Variants in SLF2 observed in about 807,000 individuals in gnomAD.
The protein encoded by SLF2 is SMC5-SMC6 complex localization factor protein 2.
Under a neutral mutation model 124.3 loss-of-function variants are expected in SLF2, and 68 were observed. That is an observed-to-expected ratio of 0.55 (90% CI 0.45 to 0.67). The LOEUF is 0.67. SLF2 is among the 30% of genes least tolerant of loss of function. The probability of loss-of-function intolerance (pLI) is 0.00; values close to 1 mark genes in which losing one functional copy is unlikely to be tolerated. For missense variants in SLF2, 1,246 were observed against 1,373.7 expected, an observed-to-expected ratio of 0.91 and a Z score of 1.47; for synonymous variants, 480 against 478.8, an observed-to-expected ratio of 1.00 and a Z score of -0.03.
chr10:100,961,114 A>C (rs899227650), intron 19 of SLF2, among the ~76,000 whole-genome samples: 1 of 135,876 alleles, frequency 7.4e-6, no homozygotes, highest in Admixed American at 8.7e-5. Context: ...GGTTCACGCC[A>C]TTCTCCTGCC....
At chr10:100,931,148 AT>A in intron 9 of SLF2, 70 bp downstream of exon 9, 2 of 1,247,128 alleles carry the variant, frequency 1.6e-6, no homozygotes, top group Non-Finnish European at 2.3e-6. Flanking sequence ...TTTAAACATA[AT>A]TTTATTTGCA....
At chr10:100,928,183 T>C (rs1360089378) in intron 6 of SLF2, among the ~76,000 whole-genome samples, 1 of 151,724 alleles carries the variant, frequency 6.6e-6, no homozygotes, top group Non-Finnish European at 1.5e-5. Context: ...AGGGGAAAAA[T>C]ATATTCCTTG....
rs1394186290 is a variant in SLF2 at position 100,916,126 on chromosome 10, C to T, written c.184+84C>T. ...ATTCAACTTTAAAACCTACTCTAAA[C>T]TGTTTTAGTAAACGTAGTGTTCAAA... On this transcript the variant is annotated intron_variant, in intron 2 of 19. Transcript: ENST00000238961. 4 of 1,026,080 alleles carry T rather than the reference C, an allele frequency of 3.9e-6. No homozygotes were observed. In the Admixed American group the frequency reaches 8.5e-5, roughly 22 times the overall value. 63.6% of individuals were successfully genotyped at this position (1,026,080 alleles called of 1,614,324 possible).
intron 19 of SLF2, among the ~76,000 whole-genome samples, chr10:100,960,049 G>A (rs1850400951): frequency 6.6e-6 from 1 of 152,116 alleles, no homozygotes; most frequent in African/African-American, 2.4e-5. Flanking sequence ...GATATACTAT[G>A]TAATCTTTTG....
chr10:100,925,228 C>T (rs943014244), intron 5 of SLF2, among the ~76,000 whole-genome samples: 7 of 152,052 alleles, frequency 4.6e-5, no homozygotes, highest in Non-Finnish European at 1.0e-4. Context: ...TATATGTATA[C>T]CTTTAGATTA....
chr10:100,940,385 G>C (rs1849945363), intron 11 of SLF2, among the ~76,000 whole-genome samples: 1 of 151,932 alleles, frequency 6.6e-6, no homozygotes, highest in Non-Finnish European at 1.5e-5. Flanking sequence ...TTTGAGACAG[G>C]GTCTTGCTTT....
Position 100,961,940 on chromosome 10 carries a change from C to A in SLF2, c.*28C>A. The A allele has an allele frequency of 1.3e-6, 2 of 1,591,704 alleles. No individual in the cohort carries two copies. The highest frequency in any genetic ancestry group is 1.7e-6 in the Non-Finnish European group (2 of 1,164,082). On this transcript the variant is annotated 3_prime_UTR_variant, in exon 20 of 20. Coordinates refer to ENST00000238961, the MANE Select transcript of SLF2 (RefSeq NM_018121.4). ...GGAGTTGCAGCAGCAAAAATATGAA[C>A]CAAGAGAAATTCAATAAGAGCCTTT...
At chr10:100,914,349 A>G (rs1055681879) in intron 1 of SLF2, among the ~76,000 whole-genome samples, 11 of 151,794 alleles carry the variant, frequency 7.2e-5, no homozygotes, top group Admixed American at 6.6e-4. Flanking sequence ...AGCAGTGGAC[A>G]TTTTGTGTGC....
intron 5 of SLF2, among the ~76,000 whole-genome samples, chr10:100,925,675 G>A (rs1458981155): frequency 6.6e-6 from 1 of 152,138 alleles, no homozygotes; most frequent in African/African-American, 2.4e-5. Context: ...TAAAGACAGG[G>A]TAGCCACAGA....
chr10:100,955,346 T>C (rs567121855), intron 17 of SLF2, among the ~76,000 whole-genome samples: 29 of 152,314 alleles, frequency 1.9e-4, no homozygotes, highest in African/African-American at 6.7e-4. Flanking sequence ...TCATGTCATA[T>C]TGAAAACATT....
Position 100,959,470 on chromosome 10 carries a change from A to G in SLF2, c.3460A>G (p.Ile1154Val), listed in dbSNP as rs200624236. ...VARIHGKWQE[I>V]IQNCRPTQGQ... is the part of the protein sequence containing the mutation. ...CAGGATACATGGAAAATGGCAGGAA[A>G]TAATCCAGAACTGTCGGCCTACTCA... The change falls in exon 19 of 20, where the codon ATA becomes GTA. Residue 1154 changes from isoleucine to valine, a missense_variant. Around this residue, in one of 3 missense-constraint regions of SLF2, gnomAD observed 535 missense variants for 632.8 expected, o/e 0.85. Transcript: ENST00000238961. 6.2e-7 allele frequency: 1 copy of G among 1,610,804 alleles called. No individual in the cohort carries two copies. The highest frequency in any genetic ancestry group is 8.5e-7 in the Non-Finnish European group (1 of 1,179,274).
intron 6 of SLF2, among the ~76,000 whole-genome samples, chr10:100,928,848 T>C (rs1849669548): frequency 6.6e-6 from 1 of 152,164 alleles, no homozygotes. Context: ...AAATGTTAGG[T>C]GTTGTGATGA....
At chr10:100,953,932 G>A (rs374089362) in intron 17 of SLF2, among the ~76,000 whole-genome samples, 27 of 151,976 alleles carry the variant, frequency 1.8e-4, no homozygotes, top group East Asian at 3.9e-4. Flanking sequence ...TATTACAGGC[G>A]TGAGCCACTG....
Position 100,924,927 on chromosome 10 carries a change from T to C in SLF2, c.1926T>C (p.Pro642=), listed in dbSNP as rs373229934. The change falls in exon 5 of 20, where the codon CCT becomes CCC. Residue 642 remains proline (P), a synonymous_variant. Coordinates refer to ENST00000238961, the MANE Select transcript of SLF2 (RefSeq NM_018121.4). ...FNQTPAATGK[P]PALSKGLRSQ... is the part of the protein sequence containing the mutation. ...AGACTCCTGCAGCTACAGGAAAGCC[T>C]CCTGCTCTTTCCAAGGGGCTTAGAT... 1 of 1,614,014 alleles carries C rather than the reference T, an allele frequency of 6.2e-7. No individual in the cohort carries two copies. The highest frequency in any genetic ancestry group is 2.2e-5 in the East Asian group (1 of 44,886).
At chr10:100,920,131 A>G (rs1190280389) in intron 4 of SLF2, among the ~76,000 whole-genome samples, 1 of 152,258 alleles carries the variant, frequency 6.6e-6, no homozygotes, top group African/African-American at 2.4e-5. Context: ...GTAGAAGAAC[A>G]GGAATTTCTC....
intron 4 of SLF2, among the ~76,000 whole-genome samples, chr10:100,922,839 C>T (rs569669123): frequency 8.3e-4 from 125 of 151,270 alleles, no homozygotes; most frequent in African/African-American, 2.4e-3. Context: ...GCAGTGGTGC[C>T]GTCTTGGCTC....
chr10:100,938,570 TG>T, intron 10 of SLF2, 24 bp from the exon 11 acceptor site: 1 of 1,594,886 alleles, frequency 6.3e-7, no homozygotes, highest in South Asian at 1.1e-5. Flanking sequence ...AGATTTAGAA[TG>T]AAATGTTTTC....
chr10:100,960,667 ATGTT>A (rs1400091680), intron 19 of SLF2, among the ~76,000 whole-genome samples: 3 of 152,004 alleles, frequency 2.0e-5, no homozygotes, highest in Non-Finnish European at 2.9e-5. Context: ...ATTGAGTTGT[ATGTT>A]CTGGATACAA....
chr10:100,960,998 C>CTTTTTTTTTTTT lies in SLF2; in HGVS notation c.3487-861_3487-850dup, dbSNP rs59983480. Among the ~76,000 whole-genome samples, 16 of 61,364 alleles carry CTTTTTTTTTTTT rather than the reference C, an allele frequency of 2.6e-4. 4 individuals are homozygous for CTTTTTTTTTTTT. The highest frequency in any genetic ancestry group is 6.0e-4 in the East Asian group (1 of 1,670). 40.3% of individuals were successfully genotyped at this position (61,364 alleles called of 152,430 possible). On this transcript the variant is annotated intron_variant, in intron 19 of 19. Coordinates refer to ENST00000238961, the MANE Select transcript of SLF2 (RefSeq NM_018121.4). The stretch of plus-strand genomic sequence containing the variant: ...GTGAGAACTGAGATATTCTGTACTT[C>CTTTTTTTTTTTT]TTTTTTTTTTTTTTTTTTTTTTTTT...
Sources: allele counts gnomAD v4.1 joint callset (sites outside exome capture counted in the v4.1 genomes callset), GRCh38; gene constraint gnomAD v4.1.1; regional missense constraint gnomAD v4.1.1; transcripts MANE v1.5; gene names NCBI Gene and HGNC (gene_info 2026-07-23, HGNC 2026-07-21).